PTPRS: variants seen among roughly 807,000 people sequenced by gnomAD.
PTPRS encodes protein tyrosine phosphatase receptor type S, also known as receptor-type tyrosine-protein phosphatase S.
In PTPRS, 63 loss-of-function variants were observed where a neutral mutation model predicts 215.3. The observed-to-expected ratio is 0.29, with a 90% CI of 0.24 to 0.36. The LOEUF is 0.36. PTPRS is among the 10% of genes least tolerant of loss of function. The pLI is 1.00. For missense variants in PTPRS, 2,258 were observed against 2,825.8 expected, an observed-to-expected ratio of 0.80 and a Z score of 4.56; for synonymous variants, 1,404 against 1,191.4, an observed-to-expected ratio of 1.18 and a Z score of -3.68.
At chr19:5,286,950 G>A (rs2048399457) in intron 1 of PTPRS, among the ~76,000 whole-genome samples, 1 of 152,156 alleles carries the variant, frequency 6.6e-6, no homozygotes, top group African/African-American at 2.4e-5. Flanking sequence ...TCTCAGGAAG[G>A]AGGGGACTCC....
chr19:5,216,410 C>A lies in PTPRS; in HGVS notation c.4096+310G>T, dbSNP rs1679795337. ...GAGACTTCCATGTGTCCCTAGCTGT[C>A]CTGGGTGCCCCCCAAGAGCTCACAT... On this transcript the variant is annotated intron_variant, in intron 26 of 37. Coordinates refer to ENST00000262963, the MANE Select transcript of PTPRS (RefSeq NM_002850.4). Among the ~76,000 whole-genome samples, 3 of 151,908 alleles carry A rather than the reference C, an allele frequency of 2.0e-5. 1 individual carries two copies. Among genetic ancestry groups the A allele is most frequent in the Admixed American group, 2.0e-4 (3 of 15,278 alleles).
At chr19:5,230,996 G>A (rs140458319) in intron 14 of PTPRS, among the ~76,000 whole-genome samples, 248 of 152,314 alleles carry the variant, frequency 1.6e-3, no homozygotes, top group African/African-American at 5.4e-3. Flanking sequence ...GTTGTTGCAG[G>A]TGCTATTTGC....
chr19:5,251,845 T>C (rs997289552), intron 9 of PTPRS, among the ~76,000 whole-genome samples: 3 of 151,926 alleles, frequency 2.0e-5, no homozygotes, highest in Admixed American at 6.6e-5. Context: ...CGGCCTTAGG[T>C]AGGGAGGCGT....
chr19:5,330,740 T>G (rs1461142716), intron 1 of PTPRS, among the ~76,000 whole-genome samples: 1 of 152,182 alleles, frequency 6.6e-6, no homozygotes, highest in African/African-American at 2.4e-5. Flanking sequence ...GATCCGAACC[T>G]GGGGCGTTCA....
intron 14 of PTPRS, among the ~76,000 whole-genome samples, 190 bp from the exon 15 acceptor site, chr19:5,229,874 C>T (rs543649720): frequency 6.6e-6 from 1 of 150,948 alleles, no homozygotes; most frequent in Non-Finnish European, 1.5e-5. Context: ...CTGGGAGGGG[C>T]CCCTGAAGGT....
chr19:5,229,702 A>C lies in PTPRS; in HGVS notation c.2156-18T>G. ...GCTGGGCACTGGCGGGCGGGAGGGG[A>C]GGGGAGGGGCGGGCGGAGCCGTTAC... On this transcript the variant is annotated intron_variant, in intron 14 of 37. Transcript: ENST00000262963. 5 of 425,816 alleles carry C rather than the reference A, an allele frequency of 1.2e-5. No individual in the cohort carries two copies. Among genetic ancestry groups the C allele is most frequent in the Non-Finnish European group, 1.7e-5 (5 of 296,780 alleles). 26.4% of individuals were successfully genotyped at this position (425,816 alleles called of 1,614,324 possible). A position where few individuals can be genotyped will look rare whatever the true frequency, so the allele number is the denominator to read the frequency against.
At position 5,218,723 on chromosome 19, in the gene PTPRS, A is replaced by G. The variant is rs61070554; in HGVS notation, c.3935+64T>C. On this transcript the variant is annotated intron_variant, in intron 24 of 37. Transcript: ENST00000262963. The stretch of plus-strand genomic sequence containing the variant: ...GCATCCCCTCTCCTGTGGGCACACT[A>G]TCAGCCCATTCCCTGTCCTCTTCCT... 4,382 of 1,584,424 alleles carry G rather than the reference A, an allele frequency of 2.8e-3. 121 individuals are homozygous for G. In the African/African-American group the frequency reaches 0.051, roughly 19 times the overall value.
intron 1 of PTPRS, among the ~76,000 whole-genome samples, chr19:5,312,037 G>A (rs556373380): frequency 1.4e-4 from 21 of 149,784 alleles, no homozygotes; most frequent in African/African-American, 3.7e-4. Flanking sequence ...GCGAGACTCC[G>A]TCTCAAAAAA....
chr19:5,267,961 AGATC>A lies in PTPRS; in HGVS notation c.380-2769_380-2766del, dbSNP rs750822659. ...GAGGCAGGTGGATCACGAGGTCAGG[AGATC>A]GAGACCATCCTGGTGAACATGGTGA... On this transcript the variant is annotated intron_variant, in intron 4 of 37. Coordinates refer to ENST00000262963, the MANE Select transcript of PTPRS (RefSeq NM_002850.4). Among the ~76,000 whole-genome samples the A allele has an allele frequency of 1.0e-3, 152 of 152,206 alleles. 2 individuals are homozygous for A. In the Middle Eastern group the frequency reaches 0.01, roughly 10 times the overall value.
At chr19:5,216,175 C>T (rs2041428987) in intron 26 of PTPRS, among the ~76,000 whole-genome samples, 1 of 152,104 alleles carries the variant, frequency 6.6e-6, no homozygotes, top group Non-Finnish European at 1.5e-5. Flanking sequence ...CCTGCGCTTG[C>T]TTGGGGCAGG....
chr19:5,245,637 C>T, intron 10 of PTPRS, 139 bp downstream of exon 10: 5 of 1,286,250 alleles, frequency 3.9e-6, no homozygotes, highest in South Asian at 1.7e-5. Flanking sequence ...AAAGAACAAC[C>T]GTCCCCTTCC....
At chr19:5,322,646 G>A (rs1426681647) in intron 1 of PTPRS, among the ~76,000 whole-genome samples, 1 of 152,150 alleles carries the variant, frequency 6.6e-6, no homozygotes, top group African/African-American at 2.4e-5. Flanking sequence ...TTAGGAGGCT[G>A]AGGCGGGCGG....
intron 23 of PTPRS, 143 bp downstream of exon 23, chr19:5,219,167 A>G: frequency 8.9e-7 from 1 of 1,125,958 alleles, no homozygotes; most frequent in Non-Finnish European, 1.3e-6. Flanking sequence ...GACCTTGATC[A>G]AGTGGCTTAA....
chr19:5,225,837 A>G lies in PTPRS; in HGVS notation c.2384T>C (p.Val795Ala), dbSNP rs1302269744. The change falls in exon 17 of 38, where the codon GTC becomes GCC. Residue 795 changes from valine to alanine, a missense_variant. By Grantham distance (64) the Val-to-Ala change is moderately conservative. Around this residue, in one of 6 missense-constraint regions of PTPRS, gnomAD observed 371 missense variants for 446.7 expected, o/e 0.83. Transcript: ENST00000262963. ...GGTCTCAGGCTGCAAGTTTGTGATGACCATCTCCTGCAGGCACGGCTGGGG... is the reference window on the plus strand; with the variant it reads ...GGTCTCAGGCTGCAAGTTTGTGATGGCCATCTCCTGCAGGCACGGCTGGGG... ...ETDDTAEYEM[V>A]ITNLQPETAY... is the part of the protein sequence containing the mutation. 1 of 1,613,574 alleles carries G rather than the reference A, an allele frequency of 6.2e-7. No homozygotes were observed. Among genetic ancestry groups the G allele is most frequent in the Non-Finnish European group, 8.5e-7 (1 of 1,179,768 alleles).
chr19:5,325,909 G>A (rs1413862329), intron 1 of PTPRS, among the ~76,000 whole-genome samples: 2 of 152,216 alleles, frequency 1.3e-5, no homozygotes, highest in African/African-American at 4.8e-5. Flanking sequence ...GAAAGTCCAG[G>A]AGATGCCCCA....
intron 26 of PTPRS, 46 bp from the exon 27 acceptor site, chr19:5,215,641 C>A: frequency 7.6e-7 from 1 of 1,312,328 alleles, no homozygotes; most frequent in Non-Finnish European, 1.0e-6. Context: ...CTTGGGGGGC[C>A]AGCCGGGGAC....
chr19:5,257,938 C>G lies in PTPRS; in HGVS notation c.706+79G>C. On this transcript the variant is annotated intron_variant, in intron 8 of 37. Transcript: ENST00000262963. The surrounding 1 kb of genome is among the most constrained non-coding windows in gnomAD (Gnocchi z 4.4). Reference sequence around the variant, plus strand: ...TGGGTGTGCAGGGGACGGGGGAGCCCGGAGGCGGTGAGCCCGAGGAGGGAG... The same window carrying G: ...TGGGTGTGCAGGGGACGGGGGAGCCGGGAGGCGGTGAGCCCGAGGAGGGAG... 5.5e-6 allele frequency: 7 copies of G among 1,269,170 alleles called. No individual in the cohort carries two copies. In the South Asian group the frequency reaches 7.9e-5, roughly 14 times the overall value. The allele number at this position is 1,269,170 out of a possible 1,614,324, so 78.6% of individuals were successfully genotyped here.
chr19:5,272,556 C>T (rs908416803), intron 4 of PTPRS, among the ~76,000 whole-genome samples: 1 of 130,278 alleles, frequency 7.7e-6, no homozygotes, highest in African/African-American at 2.9e-5. Context: ...TGAGATAATG[C>T]CACTGTACTC....
In PTPRS at chr19:5,215,553, T is replaced by C; in HGVS notation, c.4139A>G (p.Glu1380Gly). The change falls in exon 27 of 38, where the codon GAG (glutamate) becomes GGG (glycine). Residue 1380 changes from glutamate (E) to glycine (G), a missense_variant. Glu to Gly is a moderately conservative substitution (Grantham distance 98). This residue lies in a region of PTPRS where 927 missense variants were observed against 1,125.9 expected (regional missense o/e 0.82). Coordinates refer to ENST00000262963, the MANE Select transcript of PTPRS (RefSeq NM_002850.4). ...HPPIPIADMA[E>G]HTERLKANDS... ...GTTGGCCTTGAGCCGCTCCGTGTGC[T>C]CCGCCATGTCTGCGATGGGAATTGG... 6.2e-7 allele frequency: 1 copy of C among 1,611,282 alleles called. No homozygotes were observed. The highest frequency in any genetic ancestry group is 8.5e-7 in the Non-Finnish European group (1 of 1,178,336).
Sources: gnomAD v4.1 joint callset for allele counts (sites outside exome capture counted in the v4.1 genomes callset) on GRCh38, gnomAD v4.1.1 for gene constraint, gnomAD v4.1.1 regional missense constraint, Gnocchi (gnomAD v3.1) non-coding constraint, MANE v1.5 for transcripts, NCBI Gene and HGNC (gene_info 2026-07-23, HGNC 2026-07-21) for gene names.